Variants in PCDH15 observed in about 807,000 individuals in gnomAD.
PCDH15 encodes the protein protocadherin-15.
A neutral mutation model predicts 178.5 loss-of-function variants in PCDH15; 129 were observed. That is an observed-to-expected ratio of 0.72 (90% confidence interval 0.63 to 0.84). The LOEUF (loss-of-function observed/expected upper bound fraction) is 0.84. Among genes scored for constraint, PCDH15 ranks in the 40% least tolerant of loss-of-function variants. The pLI is 0.00. For synonymous variants in PCDH15, 800 were observed against 732.0 expected (o/e 1.09, Z -1.50); for missense variants, 2,230 against 2,099.9 (o/e 1.06, Z -1.21).
At chr10:53,932,936 G>A (rs1249688499) in intron 25 of PCDH15, among the ~76,000 whole-genome samples, 1 of 151,988 alleles carries the variant, frequency 6.6e-6, no homozygotes, top group African/African-American at 2.4e-5. Flanking sequence ...ACAAGATCTG[G>A]TTGTTGAAAA....
intron 1 of PCDH15, among the ~76,000 whole-genome samples, chr10:54,672,530 C>G (rs1277746878): frequency 6.6e-6 from 1 of 152,150 alleles, no homozygotes; most frequent in African/African-American, 2.4e-5. Flanking sequence ...GTATTGTAAA[C>G]TGCCTTTGGA....
intron 1 of PCDH15, among the ~76,000 whole-genome samples, chr10:54,673,064 A>C (rs2094705730): frequency 6.6e-6 from 1 of 152,088 alleles, no homozygotes; most frequent in Non-Finnish European, 1.5e-5. Context: ...TTAATTGGTA[A>C]AGCATGTCAT....
At chr10:55,212,198 C>T (rs1349093580) in intron 1 of PCDH15, among the ~76,000 whole-genome samples, 2 of 152,124 alleles carry the variant, frequency 1.3e-5, no homozygotes, top group African/African-American at 2.4e-5. Context: ...AATTTGCACC[C>T]TATGCAGGTG....
intron 2 of PCDH15, among the ~76,000 whole-genome samples, chr10:55,515,059 G>T (rs921971681): frequency 8.3e-5 from 12 of 144,300 alleles, no homozygotes; most frequent in African/African-American, 2.8e-4. Context: ...GTGCGATCTC[G>T]GCTCACTGCA....
At chr10:55,037,570 G>GA (rs1840769136) in intron 2 of PCDH15, among the ~76,000 whole-genome samples, 1 of 152,248 alleles carries the variant, frequency 6.6e-6, no homozygotes, top group African/African-American at 2.4e-5. Flanking sequence ...AAATGTATAT[G>GA]AAAACCATAG....
chr10:55,225,606 GATGTGTGTGTGTGT>G (rs1228864362), intron 1 of PCDH15, among the ~76,000 whole-genome samples: 4 of 151,140 alleles, frequency 2.6e-5, no homozygotes, highest in Non-Finnish European at 5.9e-5. Context: ...ACGATTGTGG[GATGTGTGTGTGTGT>G]ATGTGTGTGT....
chr10:54,864,692 G>A (rs1953904696), intron 3 of PCDH15: 1 of 152,106 alleles, frequency 6.6e-6, no homozygotes, highest in Non-Finnish European at 1.5e-5. Context: ...GGCAGTGGTG[G>A]GTAGGATGCT....
chr10:53,990,358 G>A (rs1212055367), intron 21 of PCDH15, among the ~76,000 whole-genome samples: 1 of 151,688 alleles, frequency 6.6e-6, no homozygotes, highest in East Asian at 1.9e-4. Context: ...AGTATAGTGA[G>A]AATACTAAGT....
At chr10:55,423,567 A>AG (rs1475404346) in intron 2 of PCDH15, among the ~76,000 whole-genome samples, 1 of 152,028 alleles carries the variant, frequency 6.6e-6, no homozygotes, top group Non-Finnish European at 1.5e-5. Flanking sequence ...ATAAGGTAAA[A>AG]GGGGGGAAAC....
At chr10:54,200,582 C>T (rs541287188) in intron 10 of PCDH15, among the ~76,000 whole-genome samples, 46 of 152,246 alleles carry the variant, frequency 3.0e-4, no homozygotes, top group African/African-American at 8.4e-4. Flanking sequence ...ACTTTTGCCT[C>T]AGCCACTCAA....
At chr10:54,300,627 G>A (rs1279161644) in intron 8 of PCDH15, among the ~76,000 whole-genome samples, 1 of 152,180 alleles carries the variant, frequency 6.6e-6, no homozygotes, top group African/African-American at 2.4e-5. Context: ...ATTGAGAGGT[G>A]AAGCCAGCTG....
intron 25 of PCDH15, among the ~76,000 whole-genome samples, chr10:53,916,660 A>T (rs539697441): frequency 6.6e-6 from 1 of 152,316 alleles, no homozygotes; most frequent in Admixed American, 6.5e-5. Flanking sequence ...CTGGGCAATA[A>T]AACTTTAAGC....
chr10:55,530,048 G>A (rs932928833), intron 2 of PCDH15, among the ~76,000 whole-genome samples: 5 of 151,544 alleles, frequency 3.3e-5, no homozygotes, highest in African/African-American at 1.2e-4. Flanking sequence ...TTATTAAAAT[G>A]AGCATTGTCT....
intron 2 of PCDH15, among the ~76,000 whole-genome samples, chr10:55,505,656 C>T (rs918922497): frequency 6.6e-6 from 1 of 151,376 alleles, no homozygotes; most frequent in Admixed American, 6.6e-5. Flanking sequence ...TTTTACATTT[C>T]ATTCATTCAA....
chr10:53,976,713 A>T (rs2090213736), intron 21 of PCDH15, among the ~76,000 whole-genome samples: 1 of 151,990 alleles, frequency 6.6e-6, no homozygotes, highest in Non-Finnish European at 1.5e-5. Context: ...GTGATTTGCC[A>T]TTATTTAAGA....
intron 2 of PCDH15, among the ~76,000 whole-genome samples, chr10:55,089,225 A>C (rs16906916): frequency 0.041 from 6,176 of 152,254 alleles, 302 homozygotes; most frequent in East Asian, 0.14. Context: ...TTATTTCACA[A>C]TACAATCATC....
chr10:54,782,171 C>T (rs1213329555), intron 1 of PCDH15, among the ~76,000 whole-genome samples: 1 of 151,868 alleles, frequency 6.6e-6, no homozygotes, highest in Non-Finnish European at 1.5e-5. Context: ...CCAATAGCAG[C>T]GGTGATACAG....
At chr10:54,347,677 A>G (rs12762518) in intron 5 of PCDH15, among the ~76,000 whole-genome samples, 39,613 of 151,806 alleles carry the variant, frequency 0.26, 6,489 homozygotes, top group Middle Eastern at 0.39. Context: ...GAAAATAGAT[A>G]GAACATGCCC....
chr10:54,850,367 G>A (rs1953595713), intron 3 of PCDH15, among the ~76,000 whole-genome samples: 1 of 152,016 alleles, frequency 6.6e-6, no homozygotes. Flanking sequence ...GGTGATTTGT[G>A]AGATTTTGGT....
Sources: gnomAD v4.1 joint callset for allele counts (sites outside exome capture counted in the v4.1 genomes callset) on GRCh38, gnomAD v4.1.1 for gene constraint, MANE v1.5 for transcripts, NCBI Gene and HGNC (gene_info 2026-07-23, HGNC 2026-07-21) for gene names.